Variants in DSCAM observed in about 807,000 individuals in gnomAD.
DSCAM encodes the protein cell adhesion molecule DSCAM.
A neutral mutation model predicts 217.7 loss-of-function variants in DSCAM; 47 were observed. The ratio of observed to expected loss-of-function variants is 0.22; its 90% CI spans 0.17 to 0.28. The LOEUF is 0.28. Among genes scored for constraint, DSCAM ranks in the 10% least tolerant of loss-of-function variants. The probability of loss-of-function intolerance (pLI) is 1.00; values close to 1 mark genes in which losing one functional copy is unlikely to be tolerated. For missense variants in DSCAM, 2,080 were observed against 2,618.3 expected (o/e 0.79, Z 4.49); for synonymous variants, 1,056 against 1,015.3 (o/e 1.04, Z -0.76).
intron 11 of DSCAM, among the ~76,000 whole-genome samples, chr21:40,206,602 A>G (rs2091128952): frequency 6.6e-6 from 1 of 152,114 alleles, no homozygotes; most frequent in Admixed American, 6.5e-5. Flanking sequence ...TATATCAAGT[A>G]AGTTAAAACT....
In DSCAM at chr21:40,139,902, T is replaced by A. The variant is rs528003184; in HGVS notation, c.3406+2656A>T. Among the ~76,000 whole-genome samples, 4 of 149,004 alleles carry A rather than the reference T, an allele frequency of 2.7e-5. No individual in the cohort carries two copies. The South Asian group carries it at 8.6e-4, about 32-fold the overall frequency. On this transcript the variant is annotated intron_variant, in intron 18 of 32. Transcript: ENST00000400454. ...GTGTGCATGTGGGGTGTGTGAGGTG[T>A]GGTGTGTGTGGTGAGTGTGGGATAT...
chr21:40,248,576 C>T (rs1474648970), intron 11 of DSCAM, among the ~76,000 whole-genome samples: 7 of 152,212 alleles, frequency 4.6e-5, no homozygotes, highest in South Asian at 2.1e-4. Flanking sequence ...CTCAGCCTGA[C>T]GTTATTGTCC....
chr21:40,536,031 T>C (rs2076493264), intron 3 of DSCAM, among the ~76,000 whole-genome samples: 1 of 152,216 alleles, frequency 6.6e-6, no homozygotes, highest in African/African-American at 2.4e-5. Context: ...TGCAGTGCAG[T>C]GTTGAGCCTG....
chr21:40,707,403 G>A (rs1222554185), intron 2 of DSCAM, among the ~76,000 whole-genome samples: 1 of 152,024 alleles, frequency 6.6e-6, no homozygotes, highest in Non-Finnish European at 1.5e-5. Flanking sequence ...TGCAGGTCTT[G>A]GAATTCATGA....
chr21:40,151,184 T>C (rs909514479), intron 16 of DSCAM, among the ~76,000 whole-genome samples: 5 of 152,092 alleles, frequency 3.3e-5, no homozygotes, highest in Non-Finnish European at 7.3e-5. Flanking sequence ...AGGGTGGGGA[T>C]CCCAACTGTC....
chr21:40,066,918 G>A (rs2089214534), intron 27 of DSCAM, among the ~76,000 whole-genome samples: 1 of 152,108 alleles, frequency 6.6e-6, no homozygotes, highest in African/African-American at 2.4e-5. Flanking sequence ...AGTCTATAAT[G>A]TCCAGAATTA....
At chr21:40,799,395 A>AG (rs997069675) in intron 1 of DSCAM, among the ~76,000 whole-genome samples, 2 of 152,188 alleles carry the variant, frequency 1.3e-5, no homozygotes, top group African/African-American at 4.8e-5. Flanking sequence ...TGAAACTCAG[A>AG]GAAAAAAAAC....
chr21:40,600,705 T>G (rs2077055673), intron 3 of DSCAM, among the ~76,000 whole-genome samples: 1 of 152,222 alleles, frequency 6.6e-6, no homozygotes, highest in Non-Finnish European at 1.5e-5. Flanking sequence ...TTGTTGTTGT[T>G]AAAGCACGTA....
intron 1 of DSCAM, among the ~76,000 whole-genome samples, chr21:40,728,957 T>C (rs17836056): frequency 0.025 from 3,787 of 152,294 alleles, 64 homozygotes; most frequent in Non-Finnish European, 0.034. Context: ...TGGTAATGCA[T>C]CTACACGTGG....
intron 3 of DSCAM, among the ~76,000 whole-genome samples, chr21:40,677,205 T>C (rs2090349779): frequency 8.5e-6 from 1 of 117,652 alleles, no homozygotes; most frequent in Non-Finnish European, 1.8e-5. Flanking sequence ...GCAATGGGCA[T>C]AGGAGGATAA....
intron 11 of DSCAM, among the ~76,000 whole-genome samples, chr21:40,259,761 C>A (rs528465995): frequency 7.1e-6 from 1 of 141,556 alleles, no homozygotes; most frequent in South Asian, 2.3e-4. Context: ...GTAAGCTCTG[C>A]CTCCCAGGTT....
intron 32 of DSCAM, among the ~76,000 whole-genome samples, chr21:40,040,252 A>G (rs2088720598): frequency 6.6e-6 from 1 of 152,358 alleles, no homozygotes; most frequent in South Asian, 2.1e-4. Flanking sequence ...TTTACTCTGA[A>G]TAGTCTATGA....
intron 32 of DSCAM, among the ~76,000 whole-genome samples, chr21:40,030,316 C>T (rs1176285584): frequency 6.6e-6 from 1 of 152,176 alleles, no homozygotes; most frequent in Admixed American, 6.5e-5. Flanking sequence ...CAGAGATCCC[C>T]ACTGATCAAG....
chr21:40,562,827 A>G (rs1418130328), intron 3 of DSCAM, among the ~76,000 whole-genome samples: 1 of 152,160 alleles, frequency 6.6e-6, no homozygotes, highest in African/African-American at 2.4e-5. Flanking sequence ...AATGCTCACA[A>G]AAACTACTTG....
intron 11 of DSCAM, among the ~76,000 whole-genome samples, chr21:40,261,088 A>G (rs904653082): frequency 2.6e-5 from 4 of 152,206 alleles, no homozygotes; most frequent in African/African-American, 7.2e-5. Context: ...CACAACAATG[A>G]CCAAACATCT....
At chr21:40,174,134 T>C (rs2090692470) in intron 15 of DSCAM, among the ~76,000 whole-genome samples, 1 of 152,190 alleles carries the variant, frequency 6.6e-6, no homozygotes, top group Non-Finnish European at 1.5e-5. Flanking sequence ...TCCGACTGTG[T>C]CACTTATTCT....
At chr21:40,035,980 A>G (rs1467147537) in intron 32 of DSCAM, among the ~76,000 whole-genome samples, 1 of 146,974 alleles carries the variant, frequency 6.8e-6, no homozygotes, top group Non-Finnish European at 1.5e-5. Context: ...GAACAAAGAC[A>G]CAACATACCA....
rs527262141 is a variant in DSCAM, at chr21:40,611,057, A to ATTTTTTTTT, written c.508+81744_508+81752dup. Among the ~76,000 whole-genome samples, 92 of 129,786 alleles carry ATTTTTTTTT rather than the reference A, an allele frequency of 7.1e-4. 1 individual carries two copies. The highest frequency in any genetic ancestry group is 2.2e-3 in the African/African-American group (78 of 35,228). 85.1% of individuals were successfully genotyped at this position (129,786 alleles called of 152,430 possible). A position where few individuals can be genotyped will look rare whatever the true frequency, so the allele number is the denominator to read the frequency against. On this transcript the variant is annotated intron_variant, in intron 3 of 32. Transcript: ENST00000400454. Reference sequence around the variant, plus strand: ...AAGAAACAGGTGAAATTAGTTTTCAATTTTTTTTTTTTTTTTTTTGGGATG... The same window carrying ATTTTTTTTT: ...AAGAAACAGGTGAAATTAGTTTTCAATTTTTTTTTTTTTTTTTTTTTTTTTTTTGGGATG...
chr21:40,201,873 GC>G (rs900973823), intron 11 of DSCAM, among the ~76,000 whole-genome samples: 1 of 152,184 alleles, frequency 6.6e-6, no homozygotes, highest in Non-Finnish European at 1.5e-5. Flanking sequence ...TTGGGTAAGT[GC>G]TGTCCAGGAT....
Sources: allele counts gnomAD v4.1 joint callset (sites outside exome capture counted in the v4.1 genomes callset), GRCh38; gene constraint gnomAD v4.1.1; transcripts MANE v1.5; gene names NCBI Gene and HGNC (gene_info 2026-07-23, HGNC 2026-07-21).